BTBD9: variants seen among roughly 807,000 people sequenced by gnomAD.
The protein encoded by BTBD9 is BTB/POZ domain-containing protein 9.
BTBD9 carries 49 observed loss-of-function variants against 64.3 expected under a neutral mutation model. The ratio of observed to expected loss-of-function variants is 0.76; its 90% CI spans 0.61 to 0.97. BTBD9 has a LOEUF of 0.97. BTBD9 is among the 50% of genes least tolerant of loss of function. The pLI is 0.00. For missense variants in BTBD9, 598 were observed against 762.1 expected, an observed-to-expected ratio of 0.78 and a Z score of 2.53; for synonymous variants, 260 against 274.7, an observed-to-expected ratio of 0.95 and a Z score of 0.53.
At chr6:38,474,383 C>T (rs183062508) in intron 6 of BTBD9, among the ~76,000 whole-genome samples, 1 of 151,912 alleles carries the variant, frequency 6.6e-6, no homozygotes, top group East Asian at 1.9e-4. Context: ...ATTAGCCAGG[C>T]GAGGTGGTAC....
In BTBD9 at chr6:38,367,799, CAAAAAAAAAAAAA is replaced by C. The variant is rs575025737; in HGVS notation, c.1155-22719_1155-22707del. On this transcript the variant is annotated intron_variant, in intron 6 of 10. Coordinates refer to ENST00000481247, the MANE Select transcript of BTBD9 (RefSeq NM_001099272.2). ...TGCAAGAGTGTTGCACCAGAAATGG[CAAAAAAAAAAAAA>C]AAAAAAAAAAAAAAAAAAACCATCC... Among the ~76,000 whole-genome samples, 79 of 84,332 alleles carry C rather than the reference CAAAAAAAAAAAAA, an allele frequency of 9.4e-4. 1 individual carries two copies. The highest frequency in any genetic ancestry group is 2.6e-3 in the East Asian group (5 of 1,918). The allele number at this position is 84,332 out of a possible 152,430, so 55.3% of individuals were successfully genotyped here.
chr6:38,573,286 A>G lies in BTBD9; in HGVS notation c.1154+4314T>C, dbSNP rs556779836. ...GCAATTGGTAGAAATTGAGTACAAC[A>G]TTTCCAGATGGCAAGTTTTATCAAT... On this transcript the variant is annotated intron_variant, in intron 6 of 10. Coordinates refer to ENST00000481247, the MANE Select transcript of BTBD9 (RefSeq NM_001099272.2). 2.0e-5 allele frequency among the ~76,000 whole-genome samples: 3 copies of G among 152,306 alleles called. No homozygotes were observed. The East Asian group carries it at 5.8e-4, about 29-fold the overall frequency.
At chr6:38,562,582 T>C (rs1355334237) in intron 6 of BTBD9, among the ~76,000 whole-genome samples, 1 of 152,220 alleles carries the variant, frequency 6.6e-6, no homozygotes, top group Non-Finnish European at 1.5e-5. Flanking sequence ...TCCACACCAT[T>C]CTCTATTCTC....
chr6:38,192,495 CCT>C (rs1762118688), intron 10 of BTBD9, 22 bp downstream of exon 10: 4 of 1,593,904 alleles, frequency 2.5e-6, no homozygotes, highest in Non-Finnish European at 3.4e-6. Flanking sequence ...TCTCATGGCA[CCT>C]CTCATGAAAA....
At chr6:38,361,287 T>C (rs1270160497) in intron 6 of BTBD9, among the ~76,000 whole-genome samples, 1 of 152,188 alleles carries the variant, frequency 6.6e-6, no homozygotes, top group Non-Finnish European at 1.5e-5. Flanking sequence ...CTCATGACTG[T>C]AATCCCAGCA....
chr6:38,263,758 C>T (rs1029261481), intron 8 of BTBD9, among the ~76,000 whole-genome samples: 1 of 152,184 alleles, frequency 6.6e-6, no homozygotes, highest in Non-Finnish European at 1.5e-5. Context: ...CCTACTAGGG[C>T]CCTCCGAGTT....
intron 6 of BTBD9, among the ~76,000 whole-genome samples, chr6:38,409,325 C>T (rs989125472): frequency 1.3e-5 from 2 of 152,128 alleles, no homozygotes; most frequent in African/African-American, 4.8e-5. Flanking sequence ...CTTAAGCAAG[C>T]TTAATCAGCA....
chr6:38,369,767 A>G (rs1259757663), intron 6 of BTBD9, among the ~76,000 whole-genome samples: 3 of 152,214 alleles, frequency 2.0e-5, no homozygotes, highest in African/African-American at 7.2e-5. Context: ...CTCTTCAGGT[A>G]CCTGACTAAG....
intron 6 of BTBD9, among the ~76,000 whole-genome samples, chr6:38,384,611 A>G (rs546053499): frequency 6.6e-6 from 1 of 152,346 alleles, no homozygotes; most frequent in Non-Finnish European, 1.5e-5. Context: ...GAGTCACATA[A>G]TAAGGAAAAC....
At chr6:38,604,326 T>G (rs887298697) in intron 1 of BTBD9, among the ~76,000 whole-genome samples, 13 of 152,082 alleles carry the variant, frequency 8.5e-5, no homozygotes, top group African/African-American at 2.9e-4. Flanking sequence ...CACTAAAGAA[T>G]AGTATCATAA....
intron 10 of BTBD9, among the ~76,000 whole-genome samples, chr6:38,189,874 A>G (rs888129684): frequency 2.6e-5 from 4 of 151,196 alleles, no homozygotes; most frequent in African/African-American, 9.7e-5. Context: ...GGGTTTTACC[A>G]TGTTAGCCAG....
At chr6:38,286,535 C>T (rs918744843) in intron 8 of BTBD9, among the ~76,000 whole-genome samples, 4 of 151,886 alleles carry the variant, frequency 2.6e-5, no homozygotes, top group Admixed American at 6.6e-5. Context: ...TATATATAAA[C>T]ATTATATGTT....
At chr6:38,418,751 C>A (rs866974054) in intron 6 of BTBD9, among the ~76,000 whole-genome samples, 12 of 152,122 alleles carry the variant, frequency 7.9e-5, no homozygotes, top group African/African-American at 1.9e-4. Flanking sequence ...AGAGTAAGTT[C>A]TTTTAGACCT....
chr6:38,465,461 CAAAAAAAAAA>C (rs762391834), intron 6 of BTBD9, among the ~76,000 whole-genome samples: 2 of 67,496 alleles, frequency 3.0e-5, no homozygotes, highest in African/African-American at 1.0e-4. Flanking sequence ...ACTAAAAATA[CAAAAAAAAAA>C]AAAAAAAAAA....
intron 8 of BTBD9, among the ~76,000 whole-genome samples, chr6:38,278,978 T>A (rs1761397068): frequency 6.6e-6 from 1 of 152,214 alleles, no homozygotes; most frequent in Non-Finnish European, 1.5e-5. Context: ...CTGAATCTGA[T>A]ACATTGCTGA....
intron 6 of BTBD9, among the ~76,000 whole-genome samples, chr6:38,378,602 A>G (rs935725633): frequency 6.7e-6 from 1 of 149,854 alleles, no homozygotes; most frequent in Non-Finnish European, 1.5e-5. Flanking sequence ...GGCCAGGTGC[A>G]GTGGCTCATG....
intron 6 of BTBD9, among the ~76,000 whole-genome samples, chr6:38,384,827 T>C (rs1054238506): frequency 1.3e-5 from 2 of 152,154 alleles, no homozygotes; most frequent in Non-Finnish European, 2.9e-5. Context: ...ATACTTGCTC[T>C]GTATCAGAAA....
intron 1 of BTBD9, among the ~76,000 whole-genome samples, chr6:38,635,873 A>G (rs1012145537): frequency 5.9e-5 from 9 of 152,186 alleles, no homozygotes; most frequent in African/African-American, 2.2e-4. Flanking sequence ...ATGAAATAGC[A>G]GCACAAAACA....
intron 7 of BTBD9, among the ~76,000 whole-genome samples, chr6:38,331,868 A>G (rs1193458848): frequency 6.6e-6 from 1 of 152,220 alleles, no homozygotes; most frequent in East Asian, 1.9e-4. Flanking sequence ...AAAAAAAGCA[A>G]AAAAAGAAAT....
Sources: allele counts gnomAD v4.1 joint callset (sites outside exome capture counted in the v4.1 genomes callset), GRCh38; gene constraint gnomAD v4.1.1; transcripts MANE v1.5; gene names NCBI Gene and HGNC (gene_info 2026-07-23, HGNC 2026-07-21).